MACROD2: variants seen among roughly 807,000 people sequenced by gnomAD.
MACROD2 encodes the protein mono-ADP ribosylhydrolase 2.
Under a neutral mutation model 70.4 loss-of-function variants are expected in MACROD2, and 36 were observed. The ratio of observed to expected loss-of-function variants is 0.51; its 90% CI spans 0.39 to 0.68. The LOEUF (loss-of-function observed/expected upper bound fraction) is 0.68. Ranked by LOEUF, MACROD2 falls within the 30% of genes least tolerant of loss-of-function variation. The pLI, the probability that MACROD2 is intolerant of heterozygous loss-of-function variation, is 0.00. For missense variants in MACROD2, 496 were observed against 538.4 expected (o/e 0.92, Z 0.78); for synonymous variants, 172 against 178.8 (o/e 0.96, Z 0.30).
intron 3 of MACROD2, among the ~76,000 whole-genome samples, chr20:14,479,863 T>C (rs1208212069): frequency 6.6e-6 from 1 of 152,220 alleles, no homozygotes; most frequent in Non-Finnish European, 1.5e-5. Context: ...TTTATAGATT[T>C]ATTTACTATA....
At chr20:14,325,864 A>T in intron 3 of MACROD2, 1 of 1,613,930 alleles carries the variant, frequency 6.2e-7, no homozygotes. Flanking sequence ...ATACCAACAC[A>T]CTAAAGCAAG....
At chr20:14,951,948 A>G (rs979148134) in intron 5 of MACROD2, among the ~76,000 whole-genome samples, 10 of 147,346 alleles carry the variant, frequency 6.8e-5, no homozygotes, top group Non-Finnish European at 1.3e-4. Flanking sequence ...CTTATTACTC[A>G]TCACTTAAAA....
intron 6 of MACROD2, among the ~76,000 whole-genome samples, chr20:15,354,694 A>C (rs911507541): frequency 2.6e-5 from 4 of 152,170 alleles, no homozygotes; most frequent in Non-Finnish European, 5.9e-5. Flanking sequence ...AAATACAAAA[A>C]TATGAAGCTA....
At chr20:14,215,603 G>A (rs2070822619) in intron 3 of MACROD2, among the ~76,000 whole-genome samples, 1 of 152,084 alleles carries the variant, frequency 6.6e-6, no homozygotes, top group Admixed American at 6.6e-5. Context: ...TTCCATAGCG[G>A]CTGTACTAGT....
chr20:14,573,931 A>G (rs1289344228), intron 4 of MACROD2, among the ~76,000 whole-genome samples: 1 of 152,138 alleles, frequency 6.6e-6, no homozygotes, highest in Non-Finnish European at 1.5e-5. Flanking sequence ...GATCCCTTAT[A>G]TCGAGGCTCA....
intron 10 of MACROD2, among the ~76,000 whole-genome samples, chr20:15,908,401 G>C (rs1254853051): frequency 1.3e-5 from 2 of 152,186 alleles, no homozygotes; most frequent in Admixed American, 6.5e-5. Context: ...GGTGGTAACA[G>C]CTCCCATCCA....
intron 5 of MACROD2, among the ~76,000 whole-genome samples, chr20:14,954,497 TATA>T (rs1345196454): frequency 7.1e-6 from 1 of 141,286 alleles, no homozygotes; most frequent in Non-Finnish European, 1.5e-5. Context: ...ATAAATTATA[TATA>T]ATTATTATTA....
At chr20:14,041,671 G>T (rs2053392799) in intron 2 of MACROD2, among the ~76,000 whole-genome samples, 1 of 152,284 alleles carries the variant, frequency 6.6e-6, no homozygotes. Context: ...ATAGGGGAAA[G>T]TATCTGGTTT....
rs1326191134 is a variant in MACROD2, at chr20:15,142,371, C to T, written c.419-87569C>T. On this transcript the variant is annotated intron_variant, in intron 5 of 17. Transcript: ENST00000684519. Reference sequence around the variant, plus strand: ...TAAAGCCCCAAAATTACCAACCAATCGTTCTGTCCACAGGTTACCTATCAT... The same window carrying T: ...TAAAGCCCCAAAATTACCAACCAATTGTTCTGTCCACAGGTTACCTATCAT... Among the ~76,000 whole-genome samples the T allele has an allele frequency of 5.9e-5, 9 of 152,118 alleles. No individual in the cohort carries two copies. The South Asian group carries it at 8.3e-4, about 14-fold the overall frequency.
intron 12 of MACROD2, among the ~76,000 whole-genome samples, chr20:15,950,553 G>A (rs531007570): frequency 6.6e-6 from 1 of 152,246 alleles, no homozygotes; most frequent in South Asian, 2.1e-4. Context: ...TGGCTCTACT[G>A]AAAAACAGAA....
chr20:14,998,573 G>A lies in MACROD2; in HGVS notation c.419-231367G>A, dbSNP rs542510937. Among the ~76,000 whole-genome samples the A allele has an allele frequency of 6.7e-4, 102 of 152,212 alleles. 1 individual carries two copies. The highest frequency in any genetic ancestry group is 1.8e-4 in the Non-Finnish European group (12 of 68,006). On this transcript the variant is annotated intron_variant, in intron 5 of 17. Coordinates refer to ENST00000684519, the MANE Select transcript of MACROD2 (RefSeq NM_001351661.2). ...AAGACAGGGTATTTGAAAATACACA[G>A]TCACAGGAGACAAAAGGAAAAAAGA...
chr20:14,189,394 A>G (rs965744573), intron 3 of MACROD2, among the ~76,000 whole-genome samples: 1 of 152,134 alleles, frequency 6.6e-6, no homozygotes, highest in African/African-American at 2.4e-5. Context: ...ATTTATTTGC[A>G]TTTTTCCATT....
chr20:15,660,907 C>T (rs541876090), intron 8 of MACROD2, among the ~76,000 whole-genome samples: 1 of 152,264 alleles, frequency 6.6e-6, no homozygotes, highest in Non-Finnish European at 1.5e-5. Context: ...TGTACTGAAG[C>T]TTTTAGAAAA....
intron 5 of MACROD2, among the ~76,000 whole-genome samples, chr20:15,141,374 A>G (rs2076191209): frequency 1.3e-5 from 2 of 151,792 alleles, no homozygotes; most frequent in South Asian, 4.2e-4. Flanking sequence ...AGGTACTCGC[A>G]TACATACATA....
At chr20:14,584,908 T>C (rs530817512) in intron 4 of MACROD2, among the ~76,000 whole-genome samples, 3 of 152,348 alleles carry the variant, frequency 2.0e-5, no homozygotes, top group Middle Eastern at 3.4e-3. Flanking sequence ...GAATGAATGA[T>C]GCATGATTCT....
chr20:15,403,350 A>G (rs983465644), intron 6 of MACROD2, among the ~76,000 whole-genome samples: 1 of 152,114 alleles, frequency 6.6e-6, no homozygotes, highest in African/African-American at 2.4e-5. Context: ...CAGTTTTAAT[A>G]TATTGGCATA....
chr20:14,275,782 C>T (rs1346653261), intron 3 of MACROD2, among the ~76,000 whole-genome samples: 1 of 151,804 alleles, frequency 6.6e-6, no homozygotes, highest in African/African-American at 2.4e-5. Context: ...AACAAATTTA[C>T]AAGAAAAAAA....
intron 8 of MACROD2, among the ~76,000 whole-genome samples, chr20:15,519,863 C>A (rs985567975): frequency 6.6e-6 from 1 of 152,140 alleles, no homozygotes; most frequent in Non-Finnish European, 1.5e-5. Context: ...GAATGCAGAG[C>A]AAAATGAGGT....
At chr20:15,024,197 A>G (rs1030730070) in intron 5 of MACROD2, among the ~76,000 whole-genome samples, 1 of 152,140 alleles carries the variant, frequency 6.6e-6, no homozygotes, top group African/African-American at 2.4e-5. Flanking sequence ...ACCAAAAGAG[A>G]TTTATTGAAG....
Sources: allele counts gnomAD v4.1 joint callset (sites outside exome capture counted in the v4.1 genomes callset), GRCh38; gene constraint gnomAD v4.1.1; transcripts MANE v1.5; gene names NCBI Gene and HGNC (gene_info 2026-07-23, HGNC 2026-07-21).